CCDC85A: variants seen among roughly 807,000 people sequenced by gnomAD.
CCDC85A encodes coiled-coil domain containing 85A, also known as coiled-coil domain-containing protein 85A.
CCDC85A carries 38 observed loss-of-function variants against 50.2 expected under a neutral mutation model. That is an observed-to-expected ratio of 0.76 (90% confidence interval 0.58 to 0.99). The LOEUF is 0.99. CCDC85A is among the 50% of genes least tolerant of loss of function. The pLI is 0.00. For missense variants in CCDC85A, 820 were observed against 742.0 expected (o/e 1.11, Z -1.22); for synonymous variants, 366 against 301.4 (o/e 1.21, Z -2.22).
At chr2:56,219,331 C>A (rs74603573) in intron 2 of CCDC85A, among the ~76,000 whole-genome samples, 3,166 of 150,458 alleles carry the variant, frequency 0.021, 40 homozygotes, top group Middle Eastern at 0.082. Flanking sequence ...AAATAAATGC[C>A]AACTTAGAGG....
At chr2:56,276,633 C>T (rs770781644) in intron 2 of CCDC85A, among the ~76,000 whole-genome samples, 9 of 152,160 alleles carry the variant, frequency 5.9e-5, no homozygotes, top group Non-Finnish European at 1.3e-4. Flanking sequence ...TGAGGCCTCC[C>T]CAGCCACTTG....
intron 2 of CCDC85A, among the ~76,000 whole-genome samples, chr2:56,290,485 C>A (rs1341040711): frequency 2.6e-5 from 4 of 152,022 alleles, no homozygotes; most frequent in African/African-American, 9.7e-5. Context: ...ATATTTGTGT[C>A]CATGGTGAAA....
intron 2 of CCDC85A, among the ~76,000 whole-genome samples, chr2:56,282,661 C>T (rs773984706): frequency 6.6e-6 from 1 of 152,224 alleles, no homozygotes; most frequent in Non-Finnish European, 1.5e-5. Context: ...AGGCATGCGG[C>T]ACCATGCTTA....
intron 2 of CCDC85A, among the ~76,000 whole-genome samples, chr2:56,215,743 A>T (rs1677362876): frequency 6.6e-6 from 1 of 151,790 alleles, no homozygotes; most frequent in East Asian, 1.9e-4. Context: ...TCTTGAGCAG[A>T]TAGTTGTGCT....
chr2:56,267,065 T>C (rs536981916), intron 2 of CCDC85A, among the ~76,000 whole-genome samples: 1 of 152,206 alleles, frequency 6.6e-6, no homozygotes, highest in South Asian at 2.1e-4. Flanking sequence ...AATGTAGGGA[T>C]AGTGTTGTAT....
At chr2:56,384,188 T>C in intron 5 of CCDC85A, 78 bp from the exon 6 acceptor site, 1 of 1,300,348 alleles carries the variant, frequency 7.7e-7, no homozygotes, top group Non-Finnish European at 1.1e-6. Flanking sequence ...GCTCCTCTCT[T>C]AATTTACCCT....
chr2:56,250,260 C>G (rs1429440171), intron 2 of CCDC85A, among the ~76,000 whole-genome samples: 1 of 152,148 alleles, frequency 6.6e-6, no homozygotes, highest in Non-Finnish European at 1.5e-5. Context: ...GAGTGCTTTT[C>G]CAAGCATGAG....
intron 5 of CCDC85A, among the ~76,000 whole-genome samples, chr2:56,378,177 G>A (rs995191645): frequency 2.0e-5 from 3 of 152,162 alleles, no homozygotes; most frequent in African/African-American, 7.2e-5. Context: ...AGAGCCAGCT[G>A]TCTAGAGCTG....
In CCDC85A at chr2:56,262,455, A is replaced by G. The variant is rs113924063; in HGVS notation, c.1240+69015A>G. Among the ~76,000 whole-genome samples the G allele has an allele frequency of 2.7e-3, 404 of 152,220 alleles. 3 individuals carry two copies. The highest frequency in any genetic ancestry group is 9.2e-3 in the African/African-American group (384 of 41,526). ...TTCTGCCCAGATTTCCTTGGCTTCT[A>G]AGGGTTTTCTCATGAGAAGCCCTGG... On this transcript the variant is annotated intron_variant, in intron 2 of 5. Transcript: ENST00000407595.
chr2:56,375,525 C>T (rs562771873), intron 4 of CCDC85A, among the ~76,000 whole-genome samples: 1 of 152,210 alleles, frequency 6.6e-6, no homozygotes, highest in Admixed American at 6.5e-5. Context: ...TCTTAAGTAT[C>T]TTTGAGTTTC....
intron 2 of CCDC85A, among the ~76,000 whole-genome samples, chr2:56,263,720 A>G (rs569579575): frequency 5.3e-5 from 8 of 152,326 alleles, no homozygotes; most frequent in Admixed American, 2.0e-4. Context: ...GCTCTTAGGA[A>G]CTGCAAGTTG....
At chr2:56,217,106 G>A (rs977660810) in intron 2 of CCDC85A, among the ~76,000 whole-genome samples, 8 of 151,880 alleles carry the variant, frequency 5.3e-5, no homozygotes, top group Admixed American at 3.9e-4. Context: ...TCAAAGGTTA[G>A]GTTAGAGGTA....
rs532046428 is a variant in CCDC85A at position 56,192,885 on chromosome 2, G to T, written c.685G>T (p.Ala229Ser). 13 of 1,613,018 alleles carry T rather than the reference G, an allele frequency of 8.1e-6. No homozygotes were observed. The East Asian group carries it at 1.8e-4, about 22-fold the overall frequency. Residue 229 changes from alanine (A) to serine (S), a missense_variant, in exon 2 of 6, where the codon GCG becomes TCG. Transcript: ENST00000407595. This position sits in a 1 kb window ranked among gnomAD's most constrained non-coding sequence, Gnocchi z 4.7. ...CAGCCCGGACCACCACAAGCACCAC[G>T]CGAGCAGTGGCAGCCCGGAGCACCT... ...TDSPDHHKHHASSGSPEHLQK... is the reference protein window; with the variant it reads ...TDSPDHHKHHSSSGSPEHLQK...
At chr2:56,218,746 A>G (rs1282499417) in intron 2 of CCDC85A, among the ~76,000 whole-genome samples, 1 of 151,818 alleles carries the variant, frequency 6.6e-6, no homozygotes, top group Non-Finnish European at 1.5e-5. Context: ...TTCATCTGGT[A>G]CAATTCCTAC....
intron 2 of CCDC85A, among the ~76,000 whole-genome samples, chr2:56,330,595 T>C (rs1673735764): frequency 6.6e-6 from 1 of 152,100 alleles, no homozygotes; most frequent in South Asian, 2.1e-4. Context: ...GGAAACAAAC[T>C]GTAAGGCAAA....
At chr2:56,326,436 G>A (rs1673475656) in intron 2 of CCDC85A, among the ~76,000 whole-genome samples, 2 of 152,132 alleles carry the variant, frequency 1.3e-5, no homozygotes, top group African/African-American at 4.8e-5. Context: ...TGCCTAGTAA[G>A]TATTTAGTGA....
In CCDC85A at chr2:56,192,621, G is replaced by T. The variant is rs754412262; in HGVS notation, c.421G>T (p.Val141Leu). Residue 141 changes from valine (V) to leucine (L), a missense_variant, in exon 2 of 6, where the codon GTG becomes TTG. By Grantham distance (32) the Val-to-Leu change is conservative. Transcript: ENST00000407595. The surrounding 1 kb of genome is among the most constrained non-coding windows in gnomAD (Gnocchi z 4.7). ...RYTAGVMHKE[V>L]ALYLQKLKDL... ...CACTGCCGGGGTGATGCACAAGGAA[G>T]TGGCCTTATACCTGCAGAAGCTGAA... The T allele has an allele frequency of 6.2e-7, 1 of 1,613,966 alleles. No homozygotes were observed. Among genetic ancestry groups the T allele is most frequent in the Non-Finnish European group, 8.5e-7 (1 of 1,179,876 alleles).
chr2:56,363,242 G>A (rs1675625167), intron 3 of CCDC85A, among the ~76,000 whole-genome samples: 1 of 152,068 alleles, frequency 6.6e-6, no homozygotes, highest in African/African-American at 2.4e-5. Context: ...TTTGATGATG[G>A]TCTCGCTGAT....
intron 2 of CCDC85A, among the ~76,000 whole-genome samples, chr2:56,261,646 A>G (rs916773140): frequency 4.6e-5 from 7 of 152,172 alleles, no homozygotes; most frequent in Non-Finnish European, 1.0e-4. Context: ...GGGACTTACC[A>G]TCTGATGAAA....
Sources: gnomAD v4.1 joint callset for allele counts (sites outside exome capture counted in the v4.1 genomes callset) on GRCh38, gnomAD v4.1.1 for gene constraint, Gnocchi (gnomAD v3.1) non-coding constraint, MANE v1.5 for transcripts, NCBI Gene and HGNC (gene_info 2026-07-23, HGNC 2026-07-21) for gene names.